SMIM35: variants seen among roughly 807,000 people sequenced by gnomAD.
SMIM35 encodes TMPRSS4 antisense RNA 1 (non-protein coding).
At chr11:118,049,308 C>G (rs1944168683) in intron 1 of SMIM35, among the ~76,000 whole-genome samples, 1 of 149,546 alleles carries the variant, frequency 6.7e-6, no homozygotes, top group African/African-American at 2.5e-5. Flanking sequence ...TGAAGGGAAG[C>G]TGCAATTCTC....
At chr11:118,078,435 C>G (rs1160413963) in intron 1 of SMIM35, among the ~76,000 whole-genome samples, 1 of 151,998 alleles carries the variant, frequency 6.6e-6, no homozygotes, top group Non-Finnish European at 1.5e-5. Context: ...CTGAGCACTT[C>G]CCACGACACT....
At chr11:118,024,759 C>T (rs1327799866) in intron 1 of SMIM35, among the ~76,000 whole-genome samples, 1 of 152,174 alleles carries the variant, frequency 6.6e-6, no homozygotes, top group East Asian at 1.9e-4. Flanking sequence ...AGACATGAGC[C>T]ACCGTGCCCA....
At position 118,052,822 on chromosome 11, in the gene SMIM35, A is replaced by C. The variant is rs1471873885; in HGVS notation, c.7+33929T>G. Reference sequence around the variant, plus strand: ...ACCCACAGCAAATACTTCCAACAATAGGAAGCCTTCTCCCAGGTCCCAGAC... The same window carrying C: ...ACCCACAGCAAATACTTCCAACAATCGGAAGCCTTCTCCCAGGTCCCAGAC... On this transcript the variant is annotated intron_variant, in intron 1 of 4. Coordinates refer to ENST00000689828, the MANE Select transcript of SMIM35 (RefSeq NM_001394165.1). Among the ~76,000 whole-genome samples the C allele has an allele frequency of 2.0e-5, 3 of 151,992 alleles. No homozygotes were observed. In the East Asian group the frequency reaches 5.8e-4, roughly 30 times the overall value.
intron 1 of SMIM35, among the ~76,000 whole-genome samples, chr11:118,076,491 TCC>T (rs1214671616): frequency 6.6e-6 from 1 of 151,142 alleles, no homozygotes; most frequent in Non-Finnish European, 1.5e-5. Context: ...AGGAAATGAC[TCC>T]GTGGACGAGG....
chr11:118,035,650 G>A (rs1489086143), intron 1 of SMIM35, among the ~76,000 whole-genome samples: 10 of 152,060 alleles, frequency 6.6e-5, no homozygotes, highest in Non-Finnish European at 1.5e-4. Context: ...CAGGTGTGGA[G>A]GAGTCTCTGG....
intron 1 of SMIM35, chr11:118,025,489 T>C: frequency 2.2e-6 from 1 of 455,620 alleles, no homozygotes; most frequent in South Asian, 1.6e-5. Flanking sequence ...CTTTCCTTGC[T>C]GGCATGAGAT....
intron 3 of SMIM35, 142 bp from the exon 4 acceptor site, chr11:118,014,022 A>G (rs1420114821): frequency 1.0e-5 from 4 of 394,104 alleles, no homozygotes; most frequent in Admixed American, 8.9e-5. Context: ...ATCATCTCTC[A>G]GGGCCAAAGG....
At chr11:118,007,409 T>A (rs1285464329) in intron 4 of SMIM35, among the ~76,000 whole-genome samples, 1 of 152,166 alleles carries the variant, frequency 6.6e-6, no homozygotes. Context: ...ACTTCTTTTT[T>A]TTTTTGAGAC....
At chr11:118,009,275 T>C (rs191450169) in intron 4 of SMIM35, among the ~76,000 whole-genome samples, 133 of 152,128 alleles carry the variant, frequency 8.7e-4, no homozygotes, top group African/African-American at 2.7e-3. Flanking sequence ...GGGCCAAGGA[T>C]GTTAGGATAG....
At chr11:118,009,891 A>G (rs1014456800) in intron 4 of SMIM35, among the ~76,000 whole-genome samples, 2 of 152,226 alleles carry the variant, frequency 1.3e-5, no homozygotes, top group African/African-American at 4.8e-5. Context: ...GGGCAGGGTC[A>G]GAACCAGACC....
chr11:118,056,405 G>C (rs756772297), intron 1 of SMIM35, among the ~76,000 whole-genome samples: 3 of 152,126 alleles, frequency 2.0e-5, no homozygotes, highest in Admixed American at 6.5e-5. Flanking sequence ...GGTGACTCCT[G>C]GGTGTTGATT....
At chr11:118,066,623 T>C (rs1222856465) in intron 1 of SMIM35, among the ~76,000 whole-genome samples, 3 of 152,154 alleles carry the variant, frequency 2.0e-5, no homozygotes, top group Non-Finnish European at 2.9e-5. Context: ...GAAGGCATAA[T>C]ACACCCTGAA....
At chr11:118,012,043 CA>C (rs1302994440) in intron 4 of SMIM35, among the ~76,000 whole-genome samples, 15 of 152,174 alleles carry the variant, frequency 9.9e-5, no homozygotes, top group African/African-American at 3.6e-4. Context: ...TGCTAGAACC[CA>C]AAACGAGAAA....
At chr11:118,024,052 A>C (rs1035151429) in intron 1 of SMIM35, among the ~76,000 whole-genome samples, 1 of 151,942 alleles carries the variant, frequency 6.6e-6, no homozygotes, top group African/African-American at 2.4e-5. Context: ...AAAGAGTATT[A>C]GTGAGGTGCA....
intron 1 of SMIM35, among the ~76,000 whole-genome samples, chr11:118,050,721 G>A (rs1944199196): frequency 6.6e-6 from 1 of 152,186 alleles, no homozygotes; most frequent in Non-Finnish European, 1.5e-5. Context: ...AATCAGGGTT[G>A]CTTTGATTGG....
chr11:118,066,845 A>T (rs1944481158), intron 1 of SMIM35, among the ~76,000 whole-genome samples: 1 of 151,102 alleles, frequency 6.6e-6, no homozygotes, highest in South Asian at 2.1e-4. Flanking sequence ...AAATCAAAAC[A>T]TTATCTTGAT....
chr11:118,019,024 T>C (rs1346707140), intron 1 of SMIM35, among the ~76,000 whole-genome samples: 1 of 152,178 alleles, frequency 6.6e-6, no homozygotes, highest in African/African-American at 2.4e-5. Context: ...CTCCTATCTC[T>C]CCCTCCAAGT....
At chr11:118,028,180 G>T (rs747643890) in intron 1 of SMIM35, among the ~76,000 whole-genome samples, 1 of 152,128 alleles carries the variant, frequency 6.6e-6, no homozygotes, top group Non-Finnish European at 1.5e-5. Context: ...CATATGACTG[G>T]AGCAGTAGGG....
At chr11:118,027,429 G>C (rs2058284310) in intron 1 of SMIM35, among the ~76,000 whole-genome samples, 1 of 152,040 alleles carries the variant, frequency 6.6e-6, no homozygotes, top group Non-Finnish European at 1.5e-5. Flanking sequence ...TAATAGTTAA[G>C]TAATCACCCA....
Sources: gnomAD v4.1 joint callset for allele counts (sites outside exome capture counted in the v4.1 genomes callset) on GRCh38, gnomAD v4.1.1 for gene constraint, MANE v1.5 for transcripts, NCBI Gene and HGNC (gene_info 2026-07-23, HGNC 2026-07-21) for gene names.